ZNF385B: variants seen among roughly 807,000 people sequenced by gnomAD.
The protein encoded by ZNF385B is zinc finger protein 533.
Under a neutral mutation model 39.2 loss-of-function variants are expected in ZNF385B, and 23 were observed. That is an observed-to-expected ratio of 0.59 (90% CI 0.42 to 0.83). ZNF385B has a LOEUF of 0.83. Among genes scored for constraint, ZNF385B ranks in the 40% least tolerant of loss-of-function variants. The pLI is 0.00. For synonymous variants in ZNF385B, 205 were observed against 222.6 expected (o/e 0.92, Z 0.70); for missense variants, 552 against 598.9 (o/e 0.92, Z 0.82).
intron 5 of ZNF385B, among the ~76,000 whole-genome samples, chr2:179,493,775 GTATATACACATA>G (rs2055784380): frequency 2.6e-5 from 2 of 77,792 alleles, no homozygotes; most frequent in South Asian, 8.1e-4. Flanking sequence ...ATACATATAT[GTATATACACATA>G]TGTATACATA....
At chr2:179,710,463 G>A (rs557050619) in intron 3 of ZNF385B, among the ~76,000 whole-genome samples, 4 of 152,200 alleles carry the variant, frequency 2.6e-5, no homozygotes, top group Admixed American at 1.3e-4. Flanking sequence ...CCTACTCCCC[G>A]TCGTACGATT....
At chr2:179,579,868 C>T (rs1370081001) in intron 3 of ZNF385B, among the ~76,000 whole-genome samples, 1 of 152,102 alleles carries the variant, frequency 6.6e-6, no homozygotes, top group African/African-American at 2.4e-5. Context: ...CTATTATTTG[C>T]ATGTCACAGA....
chr2:179,730,699 A>C (rs2106427197), intron 3 of ZNF385B, among the ~76,000 whole-genome samples: 1 of 152,374 alleles, frequency 6.6e-6, no homozygotes, highest in South Asian at 2.1e-4. Flanking sequence ...AAGCTCAATA[A>C]ATGATATTGA....
intron 1 of ZNF385B, among the ~76,000 whole-genome samples, chr2:179,811,272 C>T (rs946444211): frequency 6.6e-6 from 1 of 152,072 alleles, no homozygotes; most frequent in Non-Finnish European, 1.5e-5. Flanking sequence ...TATCCCACTA[C>T]CAGCATCATT....
intron 3 of ZNF385B, among the ~76,000 whole-genome samples, chr2:179,549,089 C>T (rs2060409551): frequency 6.7e-6 from 1 of 149,328 alleles, no homozygotes. Flanking sequence ...TGACTCACTT[C>T]TTTCATCTGA....
intron 4 of ZNF385B, among the ~76,000 whole-genome samples, chr2:179,540,297 T>C (rs1367906648): frequency 6.6e-5 from 10 of 151,964 alleles, no homozygotes; most frequent in African/African-American, 2.4e-4. Flanking sequence ...AAATACAAGA[T>C]TAGCCAGGTG....
At chr2:179,851,619 CAT>C (rs1403523688) in intron 1 of ZNF385B, among the ~76,000 whole-genome samples, 2 of 152,176 alleles carry the variant, frequency 1.3e-5, no homozygotes, top group African/African-American at 4.8e-5. Flanking sequence ...CATTATTTCA[CAT>C]GATAGAACAC....
chr2:179,506,466 C>T (rs187390114), intron 5 of ZNF385B, among the ~76,000 whole-genome samples: 130 of 151,912 alleles, frequency 8.6e-4, no homozygotes, highest in Non-Finnish European at 1.2e-3. Flanking sequence ...AAGAAATAAA[C>T]GAAAATAAAA....
rs569443575 is a variant in ZNF385B at position 179,667,380 on chromosome 2, A to G, written c.298+102123T>C. On this transcript the variant is annotated intron_variant, in intron 3 of 9. Transcript: ENST00000410066. ...GTACTATGCATGTGCTGCAACTTTTACCTGGAAAAAACTTAGTCTCCCTCC... is the reference window on the plus strand; with the variant it reads ...GTACTATGCATGTGCTGCAACTTTTGCCTGGAAAAAACTTAGTCTCCCTCC... 1.4e-4 allele frequency among the ~76,000 whole-genome samples: 21 copies of G among 152,264 alleles called. No homozygotes were observed. The East Asian group carries it at 4.1e-3, about 29-fold the overall frequency.
At chr2:179,443,699 G>T (rs2049185075) in intron 9 of ZNF385B, among the ~76,000 whole-genome samples, 2 of 152,188 alleles carry the variant, frequency 1.3e-5, no homozygotes, top group South Asian at 4.1e-4. Context: ...CACAGGGAAA[G>T]GCCTCTGAAT....
rs564904374 is a variant in ZNF385B at position 179,799,629 on chromosome 2, C to A, written c.-154-28957G>T. Among the ~76,000 whole-genome samples the A allele has an allele frequency of 2.6e-5, 4 of 152,136 alleles. No homozygotes were observed. The South Asian group carries it at 6.2e-4, about 24-fold the overall frequency. ...TGCTAAGTAGCTGAATGACTTTAGGCAAGTCATTTCACTTCTCAGAACTTC... is the reference window on the plus strand; with the variant it reads ...TGCTAAGTAGCTGAATGACTTTAGGAAAGTCATTTCACTTCTCAGAACTTC... On this transcript the variant is annotated intron_variant, in intron 1 of 9. Transcript: ENST00000410066.
chr2:179,833,550 T>G (rs1316301711), intron 1 of ZNF385B, among the ~76,000 whole-genome samples: 1 of 152,170 alleles, frequency 6.6e-6, no homozygotes, highest in East Asian at 1.9e-4. Context: ...ATACCCCTTA[T>G]GCCGTTTGAT....
intron 5 of ZNF385B, among the ~76,000 whole-genome samples, chr2:179,515,032 C>T (rs1385628782): frequency 6.6e-6 from 1 of 152,148 alleles, no homozygotes; most frequent in Non-Finnish European, 1.5e-5. Flanking sequence ...CCCGCCTCGG[C>T]CTTCCAAAGT....
At chr2:179,546,757 T>C (rs539530812) in intron 3 of ZNF385B, among the ~76,000 whole-genome samples, 8 of 133,786 alleles carry the variant, frequency 6.0e-5, no homozygotes, top group South Asian at 2.5e-4. Context: ...AGTGGGATTG[T>C]TGGGTCATAT....
chr2:179,665,514 G>T (rs1048080351), intron 3 of ZNF385B, among the ~76,000 whole-genome samples: 1 of 152,050 alleles, frequency 6.6e-6, no homozygotes, highest in Non-Finnish European at 1.5e-5. Context: ...TGGAAGCTGC[G>T]GCTCCCCAGA....
intron 6 of ZNF385B, among the ~76,000 whole-genome samples, chr2:179,462,492 C>T (rs2051448852): frequency 6.6e-6 from 1 of 152,040 alleles, no homozygotes. Context: ...CTTACCTACA[C>T]ATTTGACAAA....
At chr2:179,810,413 A>G (rs964664716) in intron 1 of ZNF385B, among the ~76,000 whole-genome samples, 1 of 151,958 alleles carries the variant, frequency 6.6e-6, no homozygotes, top group Non-Finnish European at 1.5e-5. Context: ...AAATATTGTT[A>G]CATTTCAGAA....
chr2:179,480,646 C>T (rs2053889597), intron 6 of ZNF385B, among the ~76,000 whole-genome samples: 2 of 151,590 alleles, frequency 1.3e-5, no homozygotes, highest in Non-Finnish European at 2.9e-5. Context: ...TAGAAGCTGA[C>T]ATATGGTTGA....
At chr2:179,782,341 A>G (rs952153875) in intron 1 of ZNF385B, among the ~76,000 whole-genome samples, 10 of 152,208 alleles carry the variant, frequency 6.6e-5, no homozygotes, top group African/African-American at 2.2e-4. Flanking sequence ...ATCTCCAAAT[A>G]ATAAGAGCCA....
Sources: gnomAD v4.1 joint callset for allele counts (sites outside exome capture counted in the v4.1 genomes callset) on GRCh38, gnomAD v4.1.1 for gene constraint, MANE v1.5 for transcripts, NCBI Gene and HGNC (gene_info 2026-07-23, HGNC 2026-07-21) for gene names.